The following RPS6KC1 variants were observed in gnomAD, a reference collection of about 807,000 sequenced individuals.
RPS6KC1 encodes the protein ribosomal protein S6 kinase C1.
In RPS6KC1, 54 loss-of-function variants were observed where a neutral mutation model predicts 103.8. That is an observed-to-expected ratio of 0.52 (90% confidence interval 0.42 to 0.65). The LOEUF (loss-of-function observed/expected upper bound fraction) is 0.65, where lower values mean the gene tolerates loss of function less well. Among genes scored for constraint, RPS6KC1 ranks in the 30% least tolerant of loss-of-function variants. The pLI, the probability that RPS6KC1 is intolerant of heterozygous loss-of-function variation, is 0.00. For synonymous variants in RPS6KC1, 439 were observed against 438.7 expected (o/e 1.00, Z -0.01); for missense variants, 1,151 against 1,253.8 (o/e 0.92, Z 1.24).
intron 5 of RPS6KC1, among the ~76,000 whole-genome samples, chr1:213,121,123 G>A (rs2084333411): frequency 6.6e-6 from 1 of 152,072 alleles, no homozygotes; most frequent in African/African-American, 2.4e-5. Flanking sequence ...TTGTAGAAAT[G>A]GGGTCTCACT....
chr1:213,676,441 G>A, the RPS6KC1 span, among the ~76,000 whole-genome samples: 1 of 152,224 alleles, frequency 6.6e-6, no homozygotes, highest in African/African-American at 2.4e-5. Flanking sequence ...AAAAAAGAAA[G>A]AAACTGCATA....
chr1:213,518,208 C>G, the RPS6KC1 span, among the ~76,000 whole-genome samples: 2 of 152,142 alleles, frequency 1.3e-5, no homozygotes, highest in African/African-American at 4.8e-5. Context: ...TGATGGCCCC[C>G]TAAAATATAT....
chr1:213,685,573 T>G, the RPS6KC1 span, among the ~76,000 whole-genome samples: 1 of 148,972 alleles, frequency 6.7e-6, no homozygotes, highest in Admixed American at 6.8e-5. Context: ...GAGGTTGCCG[T>G]GAGCTGAGAT....
the RPS6KC1 span, among the ~76,000 whole-genome samples, chr1:213,468,567 GA>G: frequency 6.6e-6 from 1 of 152,192 alleles, no homozygotes; most frequent in African/African-American, 2.4e-5. Context: ...AGAGACTTGA[GA>G]AATCAACAGA....
the RPS6KC1 span, among the ~76,000 whole-genome samples, chr1:213,704,051 C>A: frequency 6.6e-6 from 1 of 152,066 alleles, no homozygotes; most frequent in Non-Finnish European, 1.5e-5. Flanking sequence ...AATAGCCTGC[C>A]TTCAAGCTCA....
chr1:213,500,355 C>T, the RPS6KC1 span, among the ~76,000 whole-genome samples: 5 of 152,216 alleles, frequency 3.3e-5, no homozygotes, highest in South Asian at 4.1e-4. Context: ...ACTAACGGCG[C>T]GGCCATCTCC....
chr1:213,201,638 C>G (rs1183105575), intron 8 of RPS6KC1, among the ~76,000 whole-genome samples: 2 of 152,192 alleles, frequency 1.3e-5, no homozygotes, highest in African/African-American at 4.8e-5. Context: ...ACATGTGCCA[C>G]TCTGGTACAG....
chr1:213,760,729 G>A, the RPS6KC1 span, among the ~76,000 whole-genome samples: 3 of 152,104 alleles, frequency 2.0e-5, no homozygotes, highest in Non-Finnish European at 2.9e-5. Flanking sequence ...TCTACTTTGT[G>A]TGTAGATATT....
At chr1:213,307,006 G>T in the RPS6KC1 span, among the ~76,000 whole-genome samples, 1 of 151,482 alleles carries the variant, frequency 6.6e-6, no homozygotes, top group Non-Finnish European at 1.5e-5. Flanking sequence ...CTAAGTAAGA[G>T]AAGTAATTGC....
At chr1:213,420,071 C>T in the RPS6KC1 span, among the ~76,000 whole-genome samples, 7 of 152,258 alleles carry the variant, frequency 4.6e-5, no homozygotes, top group Middle Eastern at 3.4e-3. Context: ...AGTGCCTTGT[C>T]GATTGCTCTT....
the RPS6KC1 span, among the ~76,000 whole-genome samples, chr1:213,861,749 G>A: frequency 2.0e-5 from 3 of 152,202 alleles, no homozygotes; most frequent in Non-Finnish European, 4.4e-5. Context: ...CTCATTAACA[G>A]AAGATGCACG....
chr1:213,424,239 C>T, the RPS6KC1 span, among the ~76,000 whole-genome samples: 1 of 152,188 alleles, frequency 6.6e-6, no homozygotes, highest in East Asian at 1.9e-4. Context: ...AACTCAACTT[C>T]GGCTTTCTAC....
chr1:213,190,203 A>AT (rs1381261659), intron 8 of RPS6KC1, among the ~76,000 whole-genome samples: 1 of 151,910 alleles, frequency 6.6e-6, no homozygotes, highest in Admixed American at 6.6e-5. Context: ...AGGTAGCTCT[A>AT]TTTTTAGGTT....
the RPS6KC1 span, among the ~76,000 whole-genome samples, chr1:213,746,010 A>T: frequency 6.6e-6 from 1 of 152,140 alleles, no homozygotes; most frequent in East Asian, 1.9e-4. Flanking sequence ...TGAATTTTTA[A>T]TTCATTTAAC....
At chr1:213,667,268 A>G in the RPS6KC1 span, among the ~76,000 whole-genome samples, 2 of 152,190 alleles carry the variant, frequency 1.3e-5, no homozygotes, top group Non-Finnish European at 2.9e-5. Context: ...GCAAATTTTT[A>G]TATATAGGCA....
the RPS6KC1 span, among the ~76,000 whole-genome samples, chr1:213,711,528 TTCTC>T: frequency 2.0e-5 from 3 of 152,218 alleles, no homozygotes; most frequent in African/African-American, 7.2e-5. Flanking sequence ...ATTAAACTGA[TTCTC>T]CATCCAGTTT....
intron 3 of RPS6KC1, among the ~76,000 whole-genome samples, chr1:213,083,585 A>G (rs1352415699): frequency 6.6e-6 from 1 of 152,206 alleles, no homozygotes; most frequent in Non-Finnish European, 1.5e-5. Flanking sequence ...TCACACGTGG[A>G]TGTGACTTAG....
the RPS6KC1 span, among the ~76,000 whole-genome samples, chr1:213,359,457 G>A: frequency 6.6e-6 from 1 of 152,124 alleles, no homozygotes; most frequent in Non-Finnish European, 1.5e-5. Context: ...TGTCTCTGCA[G>A]GGGAGATGGG....
the RPS6KC1 span, among the ~76,000 whole-genome samples, chr1:213,607,857 G>A: frequency 6.6e-6 from 1 of 152,142 alleles, no homozygotes; most frequent in Non-Finnish European, 1.5e-5. Flanking sequence ...TTAGAATAGG[G>A]TATCTGGCTG....
Sources: gnomAD v4.1 joint callset for allele counts (sites outside exome capture counted in the v4.1 genomes callset) on GRCh38, gnomAD v4.1.1 for gene constraint, MANE v1.5 for transcripts, NCBI Gene and HGNC (gene_info 2026-07-23, HGNC 2026-07-21) for gene names.